Variants in SEMA3E observed in about 807,000 individuals in gnomAD.
SEMA3E encodes semaphorin 3E, also known as semaphorin-3E.
SEMA3E carries 49 observed loss-of-function variants against 93.6 expected under a neutral mutation model. The ratio of observed to expected loss-of-function variants is 0.52; its 90% CI spans 0.42 to 0.66. The LOEUF (loss-of-function observed/expected upper bound fraction) is 0.66. SEMA3E is among the 30% of genes least tolerant of loss of function. The pLI is 0.00. For synonymous variants in SEMA3E, 363 were observed against 330.7 expected (o/e 1.10, Z -1.06); for missense variants, 906 against 964.8 (o/e 0.94, Z 0.81).
At chr7:83,627,706 A>T (rs1341608138) in intron 1 of SEMA3E, among the ~76,000 whole-genome samples, 2 of 113,088 alleles carry the variant, frequency 1.8e-5, no homozygotes. Context: ...GAGCCTATGT[A>T]TGTCTTTGTA....
At chr7:83,546,632 T>G (rs1791656379) in intron 1 of SEMA3E, among the ~76,000 whole-genome samples, 1 of 152,106 alleles carries the variant, frequency 6.6e-6, no homozygotes, top group Admixed American at 6.6e-5. Flanking sequence ...CAATACCCCA[T>G]TATGTACTTT....
At chr7:83,483,528 C>T (rs1270092094) in intron 2 of SEMA3E, among the ~76,000 whole-genome samples, 1 of 152,008 alleles carries the variant, frequency 6.6e-6, no homozygotes, top group African/African-American at 2.4e-5. Context: ...TAGGTTTTGC[C>T]AGACTGCCAA....
chr7:83,466,185 T>C (rs1321003489), intron 4 of SEMA3E, among the ~76,000 whole-genome samples: 1 of 152,104 alleles, frequency 6.6e-6, no homozygotes, highest in African/African-American at 2.4e-5. Context: ...TTAATGAAAA[T>C]ATTAATATAA....
At chr7:83,406,732 C>T (rs372203198) in intron 7 of SEMA3E, among the ~76,000 whole-genome samples, 11 of 151,768 alleles carry the variant, frequency 7.2e-5, no homozygotes, top group Admixed American at 3.9e-4. Flanking sequence ...TTTAACCAAC[C>T]GAATTGTTCA....
At chr7:83,423,352 C>A (rs958018361) in intron 4 of SEMA3E, among the ~76,000 whole-genome samples, 1 of 152,006 alleles carries the variant, frequency 6.6e-6, no homozygotes, top group Non-Finnish European at 1.5e-5. Flanking sequence ...CTTGACTAAA[C>A]CCTCCTTTCT....
At chr7:83,590,572 A>G (rs751993884) in intron 1 of SEMA3E, among the ~76,000 whole-genome samples, 20 of 152,116 alleles carry the variant, frequency 1.3e-4, no homozygotes, top group Non-Finnish European at 2.6e-4. Context: ...CTAGCCCATG[A>G]CTGATTTGCT....
At chr7:83,433,095 A>T (rs756887501) in intron 4 of SEMA3E, among the ~76,000 whole-genome samples, 3 of 152,034 alleles carry the variant, frequency 2.0e-5, no homozygotes, top group Non-Finnish European at 4.4e-5. Flanking sequence ...AACTACATTA[A>T]TTTTTTCACT....
chr7:83,406,993 A>G, intron 7 of SEMA3E, 104 bp downstream of exon 7: 1 of 1,387,634 alleles, frequency 7.2e-7, no homozygotes, highest in Non-Finnish European at 1.0e-6. Flanking sequence ...AGGCAGTCTA[A>G]AGAATACTAG....
rs71534491 is a variant in SEMA3E, at chr7:83,454,272, AATATATAT to A, written c.456+12202_456+12209del. Reference sequence around the variant, plus strand: ...GACTCCGACTCAAAAAAAAAAAAAAAATATATATATATATATATATATATAATGTGTGT... The same window carrying A: ...GACTCCGACTCAAAAAAAAAAAAAAAATATATATATATATATAATGTGTGT... On this transcript the variant is annotated intron_variant, in intron 4 of 16. Coordinates refer to ENST00000643230, the MANE Select transcript of SEMA3E (RefSeq NM_012431.3). 7.7e-4 allele frequency among the ~76,000 whole-genome samples: 85 copies of A among 110,080 alleles called. 2 individuals are homozygous for A. The highest frequency in any genetic ancestry group is 4.9e-3 in the Middle Eastern group (1 of 204). The allele number at this position is 110,080 out of a possible 152,430, so 72.2% of individuals were successfully genotyped here.
chr7:83,382,269 A>G lies in SEMA3E; in HGVS notation c.1875+3025T>C, dbSNP rs373677691. On this transcript the variant is annotated intron_variant, in intron 16 of 16. Coordinates refer to ENST00000643230, the MANE Select transcript of SEMA3E (RefSeq NM_012431.3). ...ATCCTGTGCCTCAGTTACCTCATCT[A>G]TAAAACAATTCTTTATAATAAAATG... Among the ~76,000 whole-genome samples the G allele has an allele frequency of 2.0e-5, 3 of 152,138 alleles. No individual in the cohort carries two copies. In the East Asian group the frequency reaches 5.8e-4, roughly 29 times the overall value.
At chr7:83,474,097 A>G (rs1430525145) in intron 2 of SEMA3E, among the ~76,000 whole-genome samples, 1 of 90,974 alleles carries the variant, frequency 1.1e-5, no homozygotes. Flanking sequence ...ATCTCAATTA[A>G]AAAAAAAAAA....
rs1297943469 is a variant in SEMA3E at position 83,604,425 on chromosome 7, C to CTA, written c.115+44002_115+44003insTA. Among the ~76,000 whole-genome samples the CTA allele has an allele frequency of 7.6e-3, 1,103 of 144,226 alleles. 3 individuals carry two copies. Among genetic ancestry groups the CTA allele is most frequent in the Middle Eastern group, 0.012 (3 of 242 alleles). 94.6% of individuals were successfully genotyped at this position (144,226 alleles called of 152,430 possible). On this transcript the variant is annotated intron_variant, in intron 1 of 16. Coordinates refer to ENST00000643230, the MANE Select transcript of SEMA3E (RefSeq NM_012431.3). ...GTTTTAAACTTAAGTGGTTTTCTCT[C>CTA]TCTATATATATATGTATATATATCT...
At chr7:83,487,156 G>A (rs1790274355) in intron 2 of SEMA3E, among the ~76,000 whole-genome samples, 2 of 152,064 alleles carry the variant, frequency 1.3e-5, no homozygotes, top group Admixed American at 1.3e-4. Context: ...GTACATGAGA[G>A]TGAGTAGGTG....
chr7:83,423,283 T>C (rs1279865018), intron 4 of SEMA3E, among the ~76,000 whole-genome samples: 1 of 152,190 alleles, frequency 6.6e-6, no homozygotes, highest in Non-Finnish European at 1.5e-5. Flanking sequence ...GCCTTGAATA[T>C]TGAATGTGCA....
At chr7:83,404,355 T>C (rs1353003771) in intron 9 of SEMA3E, among the ~76,000 whole-genome samples, 1 of 151,924 alleles carries the variant, frequency 6.6e-6, no homozygotes, top group East Asian at 1.9e-4. Flanking sequence ...ACTAAAGCTG[T>C]GTGGAAAGAC....
intron 4 of SEMA3E, among the ~76,000 whole-genome samples, chr7:83,445,562 A>G (rs1348920770): frequency 1.3e-5 from 2 of 152,112 alleles, no homozygotes. Flanking sequence ...TACTAATAAT[A>G]CAAAAATTAG....
chr7:83,500,303 G>T (rs1488619013), intron 1 of SEMA3E, among the ~76,000 whole-genome samples: 2 of 152,190 alleles, frequency 1.3e-5, no homozygotes, highest in East Asian at 3.9e-4. Flanking sequence ...AGGGATCGTG[G>T]CAGGCACCTG....
chr7:83,486,930 A>G (rs1790270217), intron 2 of SEMA3E, among the ~76,000 whole-genome samples: 1 of 152,056 alleles, frequency 6.6e-6, no homozygotes, highest in Non-Finnish European at 1.5e-5. Flanking sequence ...GGGGTACTCA[A>G]ATAGGTTTTA....
chr7:83,461,000 C>T (rs1195202856), intron 4 of SEMA3E, among the ~76,000 whole-genome samples: 1 of 152,128 alleles, frequency 6.6e-6, no homozygotes, highest in African/African-American at 2.4e-5. Flanking sequence ...TCAACTCACA[C>T]CTGACCTAAA....
Sources: gnomAD v4.1 joint callset for allele counts (sites outside exome capture counted in the v4.1 genomes callset) on GRCh38, gnomAD v4.1.1 for gene constraint, MANE v1.5 for transcripts, NCBI Gene and HGNC (gene_info 2026-07-23, HGNC 2026-07-21) for gene names.